The following NLGN1 variants were observed in gnomAD, a reference collection of about 807,000 sequenced individuals.
NLGN1 encodes the protein neuroligin 1.
Under a neutral mutation model 65.5 loss-of-function variants are expected in NLGN1, and 12 were observed. The ratio of observed to expected loss-of-function variants is 0.18; its 90% CI spans 0.12 to 0.30. NLGN1 has a LOEUF of 0.30. Among genes scored for constraint, NLGN1 ranks in the 10% least tolerant of loss-of-function variants. The pLI, the probability that NLGN1 is intolerant of heterozygous loss-of-function variation, is 1.00. For synonymous variants in NLGN1, 350 were observed against 359.5 expected, an observed-to-expected ratio of 0.97 and a Z score of 0.30; for missense variants, 750 against 1,007.1, an observed-to-expected ratio of 0.74 and a Z score of 3.46.
At chr3:173,518,392 TTATATG>T (rs1338659267) in intron 2 of NLGN1, among the ~76,000 whole-genome samples, 1 of 151,500 alleles carries the variant, frequency 6.6e-6, no homozygotes, top group Non-Finnish European at 1.5e-5. Context: ...TTATAGATAT[TTATATG>T]TATATACATA....
chr3:174,293,923 G>C, the NLGN1 span, among the ~76,000 whole-genome samples: 1 of 151,688 alleles, frequency 6.6e-6, no homozygotes, highest in East Asian at 1.9e-4. Flanking sequence ...GAGAAAAAGA[G>C]AAAGTACTAC....
intron 4 of NLGN1, among the ~76,000 whole-genome samples, chr3:174,039,532 T>C (rs951555126): frequency 6.6e-6 from 1 of 152,210 alleles, no homozygotes; most frequent in Non-Finnish European, 1.5e-5. Context: ...TTAATTCTTG[T>C]ATTTCCAAAA....
intron 2 of NLGN1, among the ~76,000 whole-genome samples, chr3:173,459,011 A>C (rs762463050): frequency 6.6e-6 from 1 of 152,100 alleles, no homozygotes; most frequent in Non-Finnish European, 1.5e-5. Context: ...TTCTCCAGCC[A>C]CAGAGAGCCT....
intron 4 of NLGN1, among the ~76,000 whole-genome samples, chr3:174,266,273 T>A (rs893032174): frequency 2.6e-5 from 4 of 152,126 alleles, no homozygotes; most frequent in Non-Finnish European, 2.9e-5. Context: ...GTGTATTCAA[T>A]ATTTAACCTC....
chr3:174,137,770 A>C (rs12491232), intron 4 of NLGN1, among the ~76,000 whole-genome samples: 20,893 of 152,190 alleles, frequency 0.14, 1,687 homozygotes, highest in African/African-American at 0.21. Context: ...CATGTGGGAA[A>C]ACATAAATCT....
In NLGN1 at chr3:173,549,630, T is replaced by C. The variant is rs573563454; in HGVS notation, c.-320-54649T>C. On this transcript the variant is annotated intron_variant, in intron 2 of 6. Transcript: ENST00000457714. ...AGGCTTACTCTTTATTAGATTAATT[T>C]ATTTACAGGAGGGATGCTAAATCAT... is the stretch of plus-strand genomic sequence containing the variant. 2.6e-5 allele frequency among the ~76,000 whole-genome samples: 4 copies of C among 152,222 alleles called. No homozygotes were observed. The South Asian group carries it at 8.3e-4, about 32-fold the overall frequency.
intron 4 of NLGN1, among the ~76,000 whole-genome samples, chr3:173,900,049 T>C (rs1737049005): frequency 6.6e-6 from 1 of 152,112 alleles, no homozygotes; most frequent in Admixed American, 6.6e-5. Context: ...AGCTGGTGAA[T>C]CTTCTGCTTC....
intron 4 of NLGN1, among the ~76,000 whole-genome samples, chr3:173,935,010 A>G (rs1744793686): frequency 6.6e-6 from 1 of 152,072 alleles, no homozygotes; most frequent in Non-Finnish European, 1.5e-5. Context: ...GTAAGTCTTA[A>G]TGGTTACAAT....
chr3:173,466,874 C>A (rs1175203280), intron 2 of NLGN1, among the ~76,000 whole-genome samples: 5 of 152,100 alleles, frequency 3.3e-5, no homozygotes, highest in African/African-American at 1.2e-4. Context: ...CCTAATAAAA[C>A]TTACAGATTC....
chr3:173,935,040 A>G (rs1744799821), intron 4 of NLGN1, among the ~76,000 whole-genome samples: 1 of 151,998 alleles, frequency 6.6e-6, no homozygotes, highest in Admixed American at 6.6e-5. Context: ...AGACCACTCC[A>G]TTATTTACAA....
chr3:173,875,574 T>C (rs1731958704), intron 4 of NLGN1, among the ~76,000 whole-genome samples: 1 of 152,216 alleles, frequency 6.6e-6, no homozygotes. Context: ...TTCAAGTTAA[T>C]GTAGCAAGAC....
At chr3:174,180,028 T>C (rs1730106560) in intron 4 of NLGN1, among the ~76,000 whole-genome samples, 1 of 152,180 alleles carries the variant, frequency 6.6e-6, no homozygotes, top group Admixed American at 6.6e-5. Context: ...TAAGACTGTC[T>C]ATTTTTCTTT....
intron 4 of NLGN1, among the ~76,000 whole-genome samples, chr3:173,896,308 G>C (rs1440965653): frequency 6.6e-6 from 1 of 152,108 alleles, no homozygotes; most frequent in African/African-American, 2.4e-5. Context: ...TCATACATAG[G>C]ACCAAATAAT....
chr3:173,641,167 T>C (rs1757359437), intron 3 of NLGN1, among the ~76,000 whole-genome samples: 1 of 152,216 alleles, frequency 6.6e-6, no homozygotes, highest in African/African-American at 2.4e-5. Context: ...CCCTTTGTAC[T>C]TGTTATTCTT....
intron 4 of NLGN1, among the ~76,000 whole-genome samples, chr3:173,861,209 A>G (rs1729000496): frequency 6.6e-6 from 1 of 152,136 alleles, no homozygotes; most frequent in Admixed American, 6.5e-5. Context: ...AAAGCTAACA[A>G]ATTAAATGGT....
intron 4 of NLGN1, among the ~76,000 whole-genome samples, chr3:174,236,250 C>A (rs1741690542): frequency 6.6e-6 from 1 of 152,034 alleles, no homozygotes; most frequent in Admixed American, 6.6e-5. Context: ...GTTACTCGAA[C>A]CTATTATCCA....
At chr3:173,705,782 C>G (rs1767960124) in intron 3 of NLGN1, among the ~76,000 whole-genome samples, 1 of 151,838 alleles carries the variant, frequency 6.6e-6, no homozygotes, top group Admixed American at 6.6e-5. Flanking sequence ...AGAGCCTGAT[C>G]CTTTACATTT....
At chr3:173,813,681 T>G (rs1718448699) in intron 4 of NLGN1, among the ~76,000 whole-genome samples, 1 of 152,196 alleles carries the variant, frequency 6.6e-6, no homozygotes, top group African/African-American at 2.4e-5. Context: ...ATACAGAAAG[T>G]TAGGTCATGA....
At chr3:174,010,471 T>C (rs1481816279) in intron 4 of NLGN1, among the ~76,000 whole-genome samples, 1 of 152,182 alleles carries the variant, frequency 6.6e-6, no homozygotes, top group Non-Finnish European at 1.5e-5. Context: ...TAAAACTCTT[T>C]CCAGTTGAAT....
Sources: gnomAD v4.1 joint callset for allele counts (sites outside exome capture counted in the v4.1 genomes callset) on GRCh38, gnomAD v4.1.1 for gene constraint, MANE v1.5 for transcripts, NCBI Gene and HGNC (gene_info 2026-07-23, HGNC 2026-07-21) for gene names.